The following SSH2 variants were observed in gnomAD, a reference collection of about 807,000 sequenced individuals.
SSH2 encodes protein phosphatase Slingshot homolog 2.
SSH2 carries 37 observed loss-of-function variants against 135.2 expected under a neutral mutation model. That is an observed-to-expected ratio of 0.27 (90% CI 0.21 to 0.36). SSH2 has a LOEUF of 0.36. SSH2 is among the 10% of genes least tolerant of loss of function. The pLI is 1.00. For missense variants in SSH2, 1,408 were observed against 1,765.3 expected (o/e 0.80, Z 3.63); for synonymous variants, 628 against 646.2 (o/e 0.97, Z 0.43).
chr17:29,650,604 G>A (rs776955521), intron 13 of SSH2, 50 bp downstream of exon 13: 4 of 1,543,060 alleles, frequency 2.6e-6, no homozygotes, highest in South Asian at 1.2e-5. Flanking sequence ...GCCATGTGTG[G>A]TGGGGCAAGA....
intron 2 of SSH2, among the ~76,000 whole-genome samples, chr17:29,844,377 C>A (rs1048160255): frequency 6.6e-6 from 1 of 152,220 alleles, no homozygotes; most frequent in South Asian, 2.1e-4. Flanking sequence ...AATAGCCCTA[C>A]AATGGTAAAT....
intron 3 of SSH2, among the ~76,000 whole-genome samples, chr17:29,719,648 T>TCTA (rs2039753796): frequency 6.6e-6 from 1 of 152,040 alleles, no homozygotes; most frequent in Non-Finnish European, 1.5e-5. Context: ...GAACAGAAGT[T>TCTA]CTTCCCATTT....
At chr17:29,701,825 C>T (rs868421968) in intron 4 of SSH2, among the ~76,000 whole-genome samples, 26 of 151,924 alleles carry the variant, frequency 1.7e-4, no homozygotes, top group Middle Eastern at 3.4e-3. Context: ...CCTGCCTTGG[C>T]GTCCCCAAAT....
intron 3 of SSH2, among the ~76,000 whole-genome samples, chr17:29,759,122 T>A (rs1174363836): frequency 6.6e-6 from 1 of 152,158 alleles, no homozygotes; most frequent in Non-Finnish European, 1.5e-5. Context: ...TGATCACAGC[T>A]TACTGTAGCC....
chr17:29,863,144 G>C (rs1297515507), intron 1 of SSH2, among the ~76,000 whole-genome samples: 1 of 152,110 alleles, frequency 6.6e-6, no homozygotes, highest in Admixed American at 6.5e-5. Context: ...GGGGAGGCCT[G>C]AAATATTTAC....
At chr17:29,635,910 A>G in intron 15 of SSH2, 58 bp downstream of exon 15, 1 of 1,312,400 alleles carries the variant, frequency 7.6e-7, no homozygotes, top group East Asian at 2.3e-5. Flanking sequence ...CATAATCCCA[A>G]ATAATTTACC....
At position 29,677,025 on chromosome 17, in the gene SSH2, A is replaced by C. The variant is rs909228768; in HGVS notation, c.549-140T>G. 13 of 681,938 alleles carry C rather than the reference A, an allele frequency of 1.9e-5. No individual in the cohort carries two copies. In the African/African-American group the frequency reaches 2.3e-4, roughly 12 times the overall value. The allele number at this position is 681,938 out of a possible 1,614,324, so 42.2% of individuals were successfully genotyped here. On this transcript the variant is annotated intron_variant, in intron 7 of 15. Coordinates refer to ENST00000540801, the MANE Select transcript of SSH2 (RefSeq NM_001282129.2). ...TCAGGCATTTCACGTAGAAGTTTTAACTAGAGTGTAAGACTTGACCAAAAA... is the reference window on the plus strand; with the variant it reads ...TCAGGCATTTCACGTAGAAGTTTTACCTAGAGTGTAAGACTTGACCAAAAA...
intron 3 of SSH2, among the ~76,000 whole-genome samples, chr17:29,706,808 T>G (rs966303835): frequency 2.6e-5 from 4 of 152,202 alleles, no homozygotes; most frequent in African/African-American, 9.6e-5. Context: ...CTGAACATAC[T>G]TCAGTCACTC....
At chr17:29,830,493 T>G (rs188526143) in intron 2 of SSH2, among the ~76,000 whole-genome samples, 1 of 152,188 alleles carries the variant, frequency 6.6e-6, no homozygotes, top group South Asian at 2.1e-4. Flanking sequence ...ATTTGCAGAA[T>G]TGATCATAAT....
At chr17:29,829,506 A>G (rs1052872754) in intron 2 of SSH2, among the ~76,000 whole-genome samples, 6 of 152,066 alleles carry the variant, frequency 3.9e-5, no homozygotes, top group African/African-American at 1.2e-4. Context: ...ATATATGGAG[A>G]GAGGAGAGAG....
intron 3 of SSH2, among the ~76,000 whole-genome samples, chr17:29,789,298 T>C (rs2151299352): frequency 6.6e-6 from 1 of 152,294 alleles, no homozygotes; most frequent in Middle Eastern, 3.4e-3. Context: ...AGAAAGCATG[T>C]TTGGAAGGGA....
At chr17:29,886,119 G>A (rs2066233435) in intron 1 of SSH2, among the ~76,000 whole-genome samples, 1 of 152,000 alleles carries the variant, frequency 6.6e-6, no homozygotes, top group Admixed American at 6.5e-5. Context: ...AGAAAAATGT[G>A]GGAAAGTTTG....
Position 29,732,571 on chromosome 17 carries a change from C to T in SSH2, c.189-29509G>A, listed in dbSNP as rs528589823. 1.1e-4 allele frequency among the ~76,000 whole-genome samples: 16 copies of T among 152,242 alleles called. No homozygotes were observed. The South Asian group carries it at 1.5e-3, about 14-fold the overall frequency. Reference sequence around the variant, plus strand: ...AGCAGAACAAAAAGTGTTCCTATTTCGTTAAATATAATTCTAACAGTAGAA... The same window carrying T: ...AGCAGAACAAAAAGTGTTCCTATTTTGTTAAATATAATTCTAACAGTAGAA... On this transcript the variant is annotated intron_variant, in intron 3 of 15. Transcript: ENST00000540801.
At chr17:29,795,159 C>T (rs1440685614) in intron 2 of SSH2, among the ~76,000 whole-genome samples, 1 of 152,186 alleles carries the variant, frequency 6.6e-6, no homozygotes, top group Non-Finnish European at 1.5e-5. Flanking sequence ...AGCTCTGTAA[C>T]TTTCATTCCC....
Position 29,669,229 on chromosome 17 carries a change from G to C in SSH2, c.810-2006C>G, listed in dbSNP as rs141418654. On this transcript the variant is annotated intron_variant, in intron 9 of 15. Transcript: ENST00000540801. ...GTGCCATTGCACTCCAGCCTGGGCC[G>C]ACAACAGTGAGACTCCGTCTCAAAA... Among the ~76,000 whole-genome samples, 5 of 151,662 alleles carry C rather than the reference G, an allele frequency of 3.3e-5. No individual in the cohort carries two copies. The South Asian group carries it at 6.2e-4, about 19-fold the overall frequency.
At chr17:29,760,184 T>C (rs1284598818) in intron 3 of SSH2, among the ~76,000 whole-genome samples, 3 of 152,230 alleles carry the variant, frequency 2.0e-5, no homozygotes, top group Admixed American at 1.3e-4. Flanking sequence ...TGCTATTCTC[T>C]AGACCTTTAA....
intron 3 of SSH2, chr17:29,761,563 G>T: frequency 2.5e-6 from 1 of 399,598 alleles, no homozygotes; most frequent in Non-Finnish European, 3.4e-6. Flanking sequence ...CCCGCAGCGC[G>T]CGTCACAGCC....
rs142479571 is a variant in SSH2, at chr17:29,727,182, T to C, written c.189-24120A>G. On this transcript the variant is annotated intron_variant, in intron 3 of 15. Coordinates refer to ENST00000540801, the MANE Select transcript of SSH2 (RefSeq NM_001282129.2). The stretch of plus-strand genomic sequence containing the variant: ...TGGGCTCTAGTCAAATGAACAATAA[T>C]GCAGATAAGTTCTGAAACTACCATT... Among the ~76,000 whole-genome samples the C allele has an allele frequency of 1.7e-3, 261 of 152,302 alleles. 1 individual carries two copies. Among genetic ancestry groups the C allele is most frequent in the Non-Finnish European group, 2.6e-3 (177 of 68,028 alleles).
At chr17:29,916,021 T>C (rs2066875984) in intron 1 of SSH2, among the ~76,000 whole-genome samples, 1 of 125,504 alleles carries the variant, frequency 8.0e-6, no homozygotes, top group Non-Finnish European at 1.6e-5. Flanking sequence ...GATGTTCCCC[T>C]TTCTGTGTCC....
Sources: allele counts gnomAD v4.1 joint callset (sites outside exome capture counted in the v4.1 genomes callset), GRCh38; gene constraint gnomAD v4.1.1; transcripts MANE v1.5; gene names NCBI Gene and HGNC (gene_info 2026-07-23, HGNC 2026-07-21).